Variants in FHL1 observed in about 807,000 individuals in gnomAD.
FHL1 encodes four and a half LIM domains protein 1.
FHL1 carries 1 observed loss-of-function variant against 20.3 expected under a neutral mutation model. The ratio of observed to expected loss-of-function variants is 0.05; its 90% CI spans 0.02 to 0.23. FHL1 has a LOEUF of 0.23. Among genes scored for constraint, FHL1 ranks in the 10% least tolerant of loss-of-function variants. FHL1 has a pLI of 1.00. For missense variants in FHL1, 177 were observed against 234.0 expected (o/e 0.76, Z 1.59); for synonymous variants, 82 against 88.9 (o/e 0.92, Z 0.44).
intron 1 of FHL1, among the ~76,000 whole-genome samples, chrX:136,154,710 C>CTT (rs1323465424): frequency 1.9e-5 from 2 of 103,089 alleles, no homozygotes; most frequent in Non-Finnish European, 2.0e-5. Flanking sequence ...AATCTGGCAT[C>CTT]TTTTTTTTTT....
chrX:136,185,118 A>G (rs995677561), intron 2 of FHL1, among the ~76,000 whole-genome samples: 1 of 112,507 alleles, frequency 8.9e-6, no homozygotes, highest in Non-Finnish European at 1.9e-5. Flanking sequence ...CAGTATAAAA[A>G]TATTGTTAAT....
At chrX:136,193,769 A>G (rs2073487780), upstream of FHL1, among the ~76,000 whole-genome samples, 1 of 109,750 alleles carries the variant, frequency 9.1e-6, no homozygotes, top group South Asian at 4.0e-4. Flanking sequence ...GGACAATTGC[A>G]TTACCCTGTG....
chrX:136,191,324 G>A (rs549683899), intron 2 of FHL1, among the ~76,000 whole-genome samples: 1 of 112,421 alleles, frequency 8.9e-6, no homozygotes, highest in East Asian at 2.8e-4. Flanking sequence ...GGGGAAACTT[G>A]GCAGATGGGA....
At chrX:136,203,749 G>C (rs982593824) in intron 1 of FHL1, among the ~76,000 whole-genome samples, 1 of 111,816 alleles carries the variant, frequency 8.9e-6, no homozygotes, top group African/African-American at 3.2e-5. Flanking sequence ...AGATCTCTCA[G>C]GTACTTTGAA....
upstream of FHL1, among the ~76,000 whole-genome samples, chrX:136,193,604 C>T (rs764037142): frequency 6.3e-5 from 7 of 111,557 alleles, no homozygotes; most frequent in Non-Finnish European, 1.3e-4. Flanking sequence ...ATTATTTTCC[C>T]AGTCACCCAG....
At chrX:136,162,154 T>C (rs1203442018) in intron 1 of FHL1, among the ~76,000 whole-genome samples, 1 of 98,138 alleles carries the variant, frequency 1.0e-5, no homozygotes, top group African/African-American at 3.7e-5. Context: ...GTACTAGCGA[T>C]CTCTTCAAGC....
At chrX:136,197,772 G>A (rs926240400) in intron 1 of FHL1, among the ~76,000 whole-genome samples, 2 of 112,031 alleles carry the variant, frequency 1.8e-5, no homozygotes, top group African/African-American at 6.5e-5. Context: ...TTTGGCCATC[G>A]ACAAGAAATC....
chrX:136,196,961 G>T (rs957873100), upstream of FHL1: 5 of 1,029,776 alleles, frequency 4.9e-6, no homozygotes, highest in African/African-American at 9.4e-5. Context: ...TTAAGGTTGT[G>T]ATCTCTGGGG....
At chrX:136,170,726 C>T (rs1051587754) in intron 2 of FHL1, among the ~76,000 whole-genome samples, 1 of 110,639 alleles carries the variant, frequency 9.0e-6, no homozygotes, top group African/African-American at 3.3e-5. Flanking sequence ...AATGGTCCCT[C>T]CTTTTTGGTG....
At chrX:136,184,696 T>G (rs957450761) in intron 2 of FHL1, among the ~76,000 whole-genome samples, 14 of 111,692 alleles carry the variant, frequency 1.3e-4, no homozygotes, top group African/African-American at 4.5e-4. Context: ...GTGTGTGTGT[T>G]TATTGTGAAA....
chrX:136,210,440 G>A lies in FHL1; in HGVS notation c.*415G>A, dbSNP rs746677161. 2 of 391,909 alleles carry A rather than the reference G, an allele frequency of 5.1e-6. No individual in the cohort carries two copies. The highest frequency in any genetic ancestry group is 5.2e-5 in the East Asian group (1 of 19,070). 32.3% of individuals were successfully genotyped at this position (391,909 alleles called of 1,213,427 possible). On this transcript the variant is annotated 3_prime_UTR_variant, in exon 6 of 6. Coordinates refer to ENST00000370683, the MANE Select transcript of FHL1 (RefSeq NM_001159699.2). ...CACACGACATGCAAGAGTTGCAGCG[G>A]CTGCTCCAACTCACTGCTCACCCTC...
chrX:136,157,256 C>G (rs967699177), intron 1 of FHL1, among the ~76,000 whole-genome samples: 3 of 111,209 alleles, frequency 2.7e-5, no homozygotes, highest in African/African-American at 9.8e-5. Flanking sequence ...ATGCCAGGGT[C>G]AACACAAGTT....
At chrX:136,167,538 ATATT>A (rs927784067), upstream of FHL1, among the ~76,000 whole-genome samples, 6 of 111,371 alleles carry the variant, frequency 5.4e-5, no homozygotes, top group African/African-American at 1.6e-4. Flanking sequence ...TGCCACCAAG[ATATT>A]TAACATCTTA....
chrX:136,177,520 G>A (rs1333110585), intron 2 of FHL1, among the ~76,000 whole-genome samples: 1 of 112,040 alleles, frequency 8.9e-6, no homozygotes, highest in Non-Finnish European at 1.9e-5. Context: ...AAACATTCCA[G>A]CTGTAAGAAT....
chrX:136,185,953 C>G (rs2073276667), intron 2 of FHL1, among the ~76,000 whole-genome samples: 1 of 111,728 alleles, frequency 9.0e-6, no homozygotes, highest in Non-Finnish European at 1.9e-5. Flanking sequence ...TCGGCTTGCT[C>G]CATTATAATC....
At chrX:136,201,501 AG>A (rs112160731) in intron 1 of FHL1, among the ~76,000 whole-genome samples, 37,298 of 110,616 alleles carry the variant, frequency 0.34, 4,768 homozygotes, top group East Asian at 0.44. Context: ...TTTGCCTCTT[AG>A]TGCACATGCT....
intron 2 of FHL1, among the ~76,000 whole-genome samples, chrX:136,185,544 C>T (rs896892875): frequency 1.8e-5 from 2 of 111,687 alleles, no homozygotes; most frequent in Non-Finnish European, 3.8e-5. Context: ...GTGCTGGTGA[C>T]GTTTCTCTTT....
chrX:136,155,338 G>A (rs1328249905), intron 1 of FHL1, among the ~76,000 whole-genome samples: 2 of 112,167 alleles, frequency 1.8e-5, no homozygotes, highest in African/African-American at 6.5e-5. Flanking sequence ...CAGATGTGGA[G>A]TGAGAAGAGT....
At chrX:136,171,396 AAG>A (rs1413158663) in intron 2 of FHL1, among the ~76,000 whole-genome samples, 2 of 111,870 alleles carry the variant, frequency 1.8e-5, no homozygotes, top group African/African-American at 6.5e-5. Flanking sequence ...ACCCTATTGA[AAG>A]AGCAGAGATT....
Sources: allele counts gnomAD v4.1 joint callset (sites outside exome capture counted in the v4.1 genomes callset), GRCh38; gene constraint gnomAD v4.1.1; transcripts MANE v1.5; gene names NCBI Gene and HGNC (gene_info 2026-07-23, HGNC 2026-07-21).